SWT1: variants seen among roughly 807,000 people sequenced by gnomAD.
The protein encoded by SWT1 is SWT1 RNA endoribonuclease homolog.
SWT1 carries 33 observed loss-of-function variants against 107.3 expected under a neutral mutation model. That is an observed-to-expected ratio of 0.31 (90% CI 0.23 to 0.41). SWT1 has a LOEUF of 0.41. Among genes scored for constraint, SWT1 ranks in the 10% least tolerant of loss-of-function variants. The probability of loss-of-function intolerance (pLI) is 1.00; values close to 1 mark genes in which losing one functional copy is unlikely to be tolerated. For missense variants in SWT1, 898 were observed against 1,028.9 expected (o/e 0.87, Z 1.74); for synonymous variants, 345 against 348.3 (o/e 0.99, Z 0.11).
chr1:185,197,194 G>A (rs144575313), intron 10 of SWT1, among the ~76,000 whole-genome samples: 1,602 of 152,200 alleles, frequency 0.011, 8 homozygotes, highest in Non-Finnish European at 0.017. Context: ...TTTTACTGAA[G>A]GCCTTTTCTC....
In SWT1 at chr1:185,202,547, G is replaced by A. The variant is rs142788318; in HGVS notation, c.1524-107G>A. 1.0e-3 allele frequency: 943 copies of A among 911,608 alleles called. 12 individuals are homozygous for A. The African/African-American group carries it at 0.014, about 13-fold the overall frequency. 56.5% of individuals were successfully genotyped at this position (911,608 alleles called of 1,614,324 possible). On this transcript the variant is annotated intron_variant, in intron 10 of 18. Transcript: ENST00000367500. ...AGTTGTTATTCTTTCTTAAGGTATA[G>A]GCTGAGAATCACCTGCCTCTGACTA...
Position 185,168,889 on chromosome 1 carries a change from A to G in SWT1, c.224+491A>G, listed in dbSNP as rs78807629. On this transcript the variant is annotated intron_variant, in intron 4 of 18. Coordinates refer to ENST00000367500, the MANE Select transcript of SWT1 (RefSeq NM_017673.7). ...GAAATTATTATTCTTTAATTTCTGC[A>G]CTTTTTGGATAAAAATTTCAGTGAA... is the stretch of plus-strand genomic sequence containing the variant. Among the ~76,000 whole-genome samples the G allele has an allele frequency of 5.8e-3, 879 of 152,308 alleles. 37 individuals carry two copies. In the East Asian group the frequency reaches 0.092, roughly 16 times the overall value.
chr1:185,235,411 C>T (rs1321559978), intron 16 of SWT1, among the ~76,000 whole-genome samples: 10 of 152,246 alleles, frequency 6.6e-5, no homozygotes, highest in East Asian at 1.9e-4. Context: ...GTTCAACATA[C>T]GCAATTCAAT....
At chr1:185,175,734 T>C (rs553788481) in intron 5 of SWT1, among the ~76,000 whole-genome samples, 1 of 152,250 alleles carries the variant, frequency 6.6e-6, no homozygotes, top group Non-Finnish European at 1.5e-5. Context: ...AAAAAAGCAT[T>C]GTATGCTGGA....
intron 15 of SWT1, among the ~76,000 whole-genome samples, chr1:185,225,327 T>G (rs564145410): frequency 1.3e-5 from 2 of 152,264 alleles, no homozygotes; most frequent in East Asian, 3.9e-4. Context: ...AGTATCTTGT[T>G]GAGAATTTTC....
At chr1:185,195,780 A>G (rs926570268) in intron 10 of SWT1, among the ~76,000 whole-genome samples, 2 of 152,132 alleles carry the variant, frequency 1.3e-5, no homozygotes, top group Non-Finnish European at 2.9e-5. Context: ...ATGTTTGTTG[A>G]CACATAAATG....
At chr1:185,267,095 C>T (rs932663240) in intron 16 of SWT1, among the ~76,000 whole-genome samples, 7 of 152,124 alleles carry the variant, frequency 4.6e-5, no homozygotes, top group Admixed American at 3.9e-4. Context: ...GATTTGGATA[C>T]CTACCACCAC....
chr1:185,231,836 A>G, intron 16 of SWT1, 128 bp downstream of exon 16: 1 of 627,582 alleles, frequency 1.6e-6, no homozygotes, highest in Non-Finnish European at 2.7e-6. Context: ...GCATGAAATC[A>G]AGTGCTTTCT....
rs576544722 is a variant in SWT1, at chr1:185,235,730, G to C, written c.2441+4022G>C. On this transcript the variant is annotated intron_variant, in intron 16 of 18. Transcript: ENST00000367500. The stretch of plus-strand genomic sequence containing the variant: ...CAATCAGGCAAGAGAAAGAAATAAA[G>C]GGTATTCAAATAGGAAGAGAAGAGG... 3.3e-5 allele frequency among the ~76,000 whole-genome samples: 5 copies of C among 152,228 alleles called. No homozygotes were observed. In the East Asian group the frequency reaches 9.6e-4, roughly 29 times the overall value.
intron 18 of SWT1, among the ~76,000 whole-genome samples, chr1:185,285,150 T>C (rs1283382881): frequency 2.0e-5 from 3 of 152,134 alleles, no homozygotes; most frequent in African/African-American, 7.2e-5. Context: ...CCCTTCCTCC[T>C]CTTCCTCCCC....
chr1:185,226,778 A>G lies in SWT1; in HGVS notation c.2309+4742A>G, dbSNP rs557859686. The stretch of plus-strand genomic sequence containing the variant: ...TCCATAAGTTTATTGTCTTTATCTG[A>G]AAAATCCTTATAGAAAATTGTTTGG... On this transcript the variant is annotated intron_variant, in intron 15 of 18. Coordinates refer to ENST00000367500, the MANE Select transcript of SWT1 (RefSeq NM_017673.7). The G allele has an allele frequency of 2.2e-5, 22 of 995,228 alleles. 1 individual carries two copies. In the Admixed American group the frequency reaches 3.6e-4, roughly 16 times the overall value. 61.6% of individuals were successfully genotyped at this position (995,228 alleles called of 1,614,324 possible).
intron 18 of SWT1, among the ~76,000 whole-genome samples, chr1:185,290,314 T>C (rs1218477817): frequency 6.6e-6 from 1 of 152,048 alleles, no homozygotes; most frequent in East Asian, 1.9e-4. Context: ...TGGTGGCTCA[T>C]GCATGTAATC....
At chr1:185,278,805 TTAATAAAAG>T (rs1664424684) in intron 18 of SWT1, among the ~76,000 whole-genome samples, 1 of 152,212 alleles carries the variant, frequency 6.6e-6, no homozygotes, top group African/African-American at 2.4e-5. Flanking sequence ...AGGTAGGAAC[TTAATAAAAG>T]TATCACTAAA....
At chr1:185,262,475 A>T (rs1663088641) in intron 16 of SWT1, 2 of 152,204 alleles carry the variant, frequency 1.3e-5, no homozygotes, top group Non-Finnish European at 2.9e-5. Flanking sequence ...TATTCTGGGG[A>T]ATGTTCCATC....
chr1:185,199,961 C>G (rs985480371), intron 10 of SWT1, among the ~76,000 whole-genome samples: 7 of 151,940 alleles, frequency 4.6e-5, no homozygotes, highest in African/African-American at 1.7e-4. Context: ...TCTTTTTTCT[C>G]TAATCTTGTC....
At chr1:185,239,830 T>G (rs1267195664) in intron 16 of SWT1, among the ~76,000 whole-genome samples, 1 of 152,062 alleles carries the variant, frequency 6.6e-6, no homozygotes, top group Non-Finnish European at 1.5e-5. Flanking sequence ...ACAGAAACCT[T>G]TTGCTTAGTA....
rs1655387956 is a variant in SWT1, at chr1:185,174,707, A to G, written c.560A>G (p.Lys187Arg). The G allele has an allele frequency of 1.9e-6, 3 of 1,613,346 alleles. No homozygotes were observed. The highest frequency in any genetic ancestry group is 1.1e-5 in the South Asian group (1 of 90,754). ...CAGAGAGAGAAGATGAAAGAACTCA[A>G]GAAAGGAAGAAACAGTAAATTTAGA... Reference protein sequence around the residue: ...LVQREKMKELKKGRNSKFRDN... With the variant: ...LVQREKMKELRKGRNSKFRDN... Residue 187 changes from lysine to arginine, a missense_variant, in exon 5 of 19, where the codon AAG (lysine) becomes AGG (arginine). By Grantham distance (26) the Lys-to-Arg change is conservative. This residue lies in a region of SWT1 where 382 missense variants were observed against 362.4 expected (regional missense o/e 1.05). Transcript: ENST00000367500.
chr1:185,256,102 A>T (rs2102670754), intron 16 of SWT1, among the ~76,000 whole-genome samples: 1 of 150,274 alleles, frequency 6.7e-6, no homozygotes, highest in Middle Eastern at 3.5e-3. Context: ...AATGTTGAAT[A>T]TTGGCCCCCA....
In SWT1 at chr1:185,222,838, G is replaced by A. The variant is rs555328932; in HGVS notation, c.2309+802G>A. 1.1e-4 allele frequency among the ~76,000 whole-genome samples: 17 copies of A among 149,924 alleles called. No individual in the cohort carries two copies. In the East Asian group the frequency reaches 2.9e-3, roughly 26 times the overall value. Reference sequence around the variant, plus strand: ...TGTAATGTGCAATACTTTACTTTGAGCCATAGTCACCCTACTATGCAATAG... The same window carrying A: ...TGTAATGTGCAATACTTTACTTTGAACCATAGTCACCCTACTATGCAATAG... On this transcript the variant is annotated intron_variant, in intron 15 of 18. Transcript: ENST00000367500.
Sources: gnomAD v4.1 joint callset for allele counts (sites outside exome capture counted in the v4.1 genomes callset) on GRCh38, gnomAD v4.1.1 for gene constraint, gnomAD v4.1.1 regional missense constraint, MANE v1.5 for transcripts, NCBI Gene and HGNC (gene_info 2026-07-23, HGNC 2026-07-21) for gene names.